SGCD: variants seen among roughly 807,000 people sequenced by gnomAD.
The protein encoded by SGCD is sarcoglycan delta.
Under a neutral mutation model 36.6 loss-of-function variants are expected in SGCD, and 18 were observed. That is an observed-to-expected ratio of 0.49 (90% CI 0.34 to 0.73). The LOEUF is 0.73. SGCD is among the 30% of genes least tolerant of loss of function. SGCD has a pLI of 0.01. For missense variants in SGCD, 387 were observed against 346.7 expected (o/e 1.12, Z -0.92); for synonymous variants, 133 against 130.6 (o/e 1.02, Z -0.12).
chr5:156,723,878 T>TGTGTATGC, intron 7 of SGCD, among the ~76,000 whole-genome samples: 1 of 151,614 alleles, frequency 6.6e-6, no homozygotes, highest in South Asian at 2.1e-4. Flanking sequence ...TGTGTGTGTG[T>TGTGTATGC]ATGCATGCAT....
intron 1 of SGCD, among the ~76,000 whole-genome samples, chr5:155,956,804 C>A (rs1039077520): frequency 6.6e-6 from 1 of 150,590 alleles, no homozygotes. Flanking sequence ...AGGGCCCCCC[C>A]CCCCGGTTAA....
At chr5:155,878,582 A>T (rs1255844449) in intron 1 of SGCD, among the ~76,000 whole-genome samples, 1 of 152,132 alleles carries the variant, frequency 6.6e-6, no homozygotes, top group Non-Finnish European at 1.5e-5. Flanking sequence ...CTTGATAAGA[A>T]TACTCAAGAC....
intron 1 of SGCD, among the ~76,000 whole-genome samples, chr5:155,969,283 G>A (rs1757963382): frequency 6.6e-6 from 1 of 152,100 alleles, no homozygotes; most frequent in African/African-American, 2.4e-5. Flanking sequence ...ATATGCAAAA[G>A]TATATGAGTT....
In SGCD at chr5:156,614,146, C is replaced by T. The variant is rs111651671; in HGVS notation, c.502+19095C>T. Among the ~76,000 whole-genome samples, 415 of 152,232 alleles carry T rather than the reference C, an allele frequency of 2.7e-3. 3 individuals carry two copies. The highest frequency in any genetic ancestry group is 9.6e-3 in the African/African-American group (397 of 41,534). ...ATTTTTAGTAGAGATGGTTTCACCA[C>T]GTTGGCTAGGCTGGTCTGGAACTCC... On this transcript the variant is annotated intron_variant, in intron 6 of 8. Coordinates refer to ENST00000337851, the MANE Select transcript of SGCD (RefSeq NM_000337.6).
intron 7 of SGCD, among the ~76,000 whole-genome samples, chr5:156,730,233 G>A (rs1755987173): frequency 6.6e-6 from 1 of 151,878 alleles, no homozygotes; most frequent in Admixed American, 6.6e-5. Flanking sequence ...GTTTTTTTTA[G>A]CTTTTATGTG....
chr5:156,265,328 G>C (rs940518991), intron 3 of SGCD, among the ~76,000 whole-genome samples: 7 of 152,136 alleles, frequency 4.6e-5, no homozygotes, highest in Middle Eastern at 3.2e-3. Flanking sequence ...ATTAGTGATG[G>C]ATAGGAAGAT....
chr5:156,664,427 G>T (rs1482112811), intron 7 of SGCD, among the ~76,000 whole-genome samples: 16 of 149,262 alleles, frequency 1.1e-4, no homozygotes, highest in African/African-American at 4.1e-4. Flanking sequence ...TCAGGGTAGG[G>T]CTCTTTTGAA....
At chr5:155,968,247 T>C (rs567953869) in intron 1 of SGCD, among the ~76,000 whole-genome samples, 28 of 152,252 alleles carry the variant, frequency 1.8e-4, no homozygotes, top group Admixed American at 1.2e-3. Context: ...ACCTGAGACA[T>C]TTCTCTTGAA....
chr5:155,836,469 CA>C, the SGCD span, among the ~76,000 whole-genome samples: 154 of 102,386 alleles, frequency 1.5e-3, no homozygotes, highest in African/African-American at 2.6e-3. Flanking sequence ...CTCTGATACC[CA>C]CCCCCGCCCC....
At chr5:156,613,604 CA>C (rs560328777) in intron 6 of SGCD, among the ~76,000 whole-genome samples, 241 of 152,316 alleles carry the variant, frequency 1.6e-3, no homozygotes, top group African/African-American at 5.5e-3. Context: ...TGAAGAGCAT[CA>C]GCTGTGGTCT....
Position 156,579,074 on chromosome 5 carries a change from T to C in SGCD, c.295-10157T>C, listed in dbSNP as rs140724815. Among the ~76,000 whole-genome samples, 1,412 of 152,078 alleles carry C rather than the reference T, an allele frequency of 9.3e-3. 22 individuals carry two copies. The highest frequency in any genetic ancestry group is 0.048 in the East Asian group (249 of 5,140). ...AGTGCTATAAATTTCCCTCTACACATTGCTTTAAATGTGTCCCAGAGATTC... is the reference window on the plus strand; with the variant it reads ...AGTGCTATAAATTTCCCTCTACACACTGCTTTAAATGTGTCCCAGAGATTC... On this transcript the variant is annotated intron_variant, in intron 4 of 8. Transcript: ENST00000337851.
intron 3 of SGCD, among the ~76,000 whole-genome samples, chr5:156,279,102 T>C (rs974164086): frequency 1.3e-5 from 2 of 152,130 alleles, no homozygotes; most frequent in African/African-American, 2.4e-5. Flanking sequence ...AAAATTTCAG[T>C]AGTGCCAAGG....
Position 155,953,162 on chromosome 5 carries a change from T to C in SGCD, c.-282+82738T>C, listed in dbSNP as rs1052962941. On this transcript the variant is annotated intron_variant, in intron 1 of 9. Coordinates refer to the SGCD transcript ENST00000517913. Reference sequence around the variant, plus strand: ...TTTCATGCTTCCATGATTTTAGCCGTCTGTTCCTTTTGCCTGGAGTTCCCT... The same window carrying C: ...TTTCATGCTTCCATGATTTTAGCCGCCTGTTCCTTTTGCCTGGAGTTCCCT... Among the ~76,000 whole-genome samples, 9 of 152,162 alleles carry C rather than the reference T, an allele frequency of 5.9e-5. No homozygotes were observed. The East Asian group carries it at 1.7e-3, about 29-fold the overall frequency.
intron 1 of SGCD, among the ~76,000 whole-genome samples, chr5:156,044,664 G>A (rs1210381913): frequency 1.3e-5 from 2 of 152,130 alleles, no homozygotes; most frequent in African/African-American, 4.8e-5. Flanking sequence ...TCTATAAACC[G>A]ACAGAATTTT....
chr5:156,145,984 T>C (rs939436485), intron 3 of SGCD, among the ~76,000 whole-genome samples: 37 of 152,184 alleles, frequency 2.4e-4, no homozygotes, highest in South Asian at 1.0e-3. Context: ...GAGGCCAAGG[T>C]GGGCGGATCA....
intron 3 of SGCD, among the ~76,000 whole-genome samples, chr5:156,356,510 T>G (rs113578884): frequency 0.015 from 2,292 of 152,280 alleles, 40 homozygotes; most frequent in Non-Finnish European, 0.019. Context: ...TGAACCAGAC[T>G]CAGAAGTCAG....
chr5:155,766,330 C>A, the SGCD span, among the ~76,000 whole-genome samples: 1 of 152,170 alleles, frequency 6.6e-6, no homozygotes, highest in East Asian at 1.9e-4. Context: ...AAGAAGAAAG[C>A]TGAAGCGCAC....
intron 6 of SGCD, among the ~76,000 whole-genome samples, chr5:156,641,444 TTCATTAC>T (rs1360992167): frequency 6.6e-5 from 10 of 152,210 alleles, no homozygotes; most frequent in African/African-American, 2.2e-4. Flanking sequence ...GAAGATAGTG[TTCATTAC>T]TCAAAGAATT....
intron 3 of SGCD, among the ~76,000 whole-genome samples, chr5:156,262,428 A>G (rs1020519589): frequency 6.6e-6 from 1 of 152,158 alleles, no homozygotes; most frequent in African/African-American, 2.4e-5. Context: ...ATTAGGCTCT[A>G]TCATCTAAAT....
Sources: gnomAD v4.1 joint callset for allele counts (sites outside exome capture counted in the v4.1 genomes callset) on GRCh38, gnomAD v4.1.1 for gene constraint, MANE v1.5 for transcripts, NCBI Gene and HGNC (gene_info 2026-07-23, HGNC 2026-07-21) for gene names.